Variants in KIF1B observed in about 807,000 individuals in gnomAD.
The protein encoded by KIF1B is kinesin-like protein KIF1B.
In KIF1B, 76 loss-of-function variants were observed where a neutral mutation model predicts 241.9. The observed-to-expected ratio is 0.31, with a 90% confidence interval of 0.26 to 0.38. KIF1B has a LOEUF of 0.38. KIF1B is among the 10% of genes least tolerant of loss of function. KIF1B has a pLI of 1.00. For missense variants in KIF1B, 1,622 were observed against 2,271.4 expected, an observed-to-expected ratio of 0.71 and a Z score of 5.81; for synonymous variants, 750 against 796.7, an observed-to-expected ratio of 0.94 and a Z score of 0.99.
intron 33 of KIF1B, 74 bp from the exon 34 acceptor site, chr1:10,343,158 T>G: frequency 6.7e-7 from 1 of 1,487,388 alleles, no homozygotes; most frequent in Non-Finnish European, 9.3e-7. Context: ...CAATTTGCAG[T>G]CCAGCACAAA....
chr1:10,352,007 G>GTCAGTGGCT (rs1297347307), intron 37 of KIF1B, among the ~76,000 whole-genome samples: 2 of 152,124 alleles, frequency 1.3e-5, no homozygotes, highest in Admixed American at 1.3e-4. Flanking sequence ...GAAACTGTCA[G>GTCAGTGGCT]TCAGTGGCTT....
chr1:10,277,954 A>G (rs779613465), intron 12 of KIF1B, 32 bp from the exon 13 acceptor site: 7 of 1,603,078 alleles, frequency 4.4e-6, no homozygotes, highest in African/African-American at 2.7e-5. Context: ...CATATGAGAA[A>G]TGACAAGAAC....
intron 22 of KIF1B, among the ~76,000 whole-genome samples, chr1:10,297,586 T>A (rs1415355262): frequency 6.6e-6 from 1 of 152,230 alleles, no homozygotes; most frequent in African/African-American, 2.4e-5. Context: ...TAAATGATAA[T>A]TACTCTGAAT....
At chr1:10,227,255 G>T (rs192340397) in intron 1 of KIF1B, among the ~76,000 whole-genome samples, 2,518 of 151,850 alleles carry the variant, frequency 0.017, 61 homozygotes, top group African/African-American at 0.056. Context: ...GGATGGTCTT[G>T]ATTTCTTGAC....
rs528022823 is a variant in KIF1B at position 10,377,139 on chromosome 1, TTTTTTCCCCTCTGTCTC to T, written c.*558_*574del. 323 of 240,842 alleles carry T rather than the reference TTTTTTCCCCTCTGTCTC, an allele frequency of 1.3e-3. 2 individuals are homozygous for T. The highest frequency in any genetic ancestry group is 7.7e-3 in the Middle Eastern group (6 of 784). 14.9% of individuals were successfully genotyped at this position (240,842 alleles called of 1,614,324 possible). A position where few individuals can be genotyped will look rare whatever the true frequency, so the allele number is the denominator to read the frequency against. ...GAACCTGAGAGGAAAAAAAGAGTCT[TTTTTTCCCCTCTGTCTC>T]TTTTTGCCATGGCTAATCCCTGCAT... On this transcript the variant is annotated 3_prime_UTR_variant, in exon 49 of 49. Transcript: ENST00000676179.
chr1:10,261,868 T>G (rs1648165979), intron 4 of KIF1B, 37 bp from the exon 5 acceptor site: 1 of 1,389,782 alleles, frequency 7.2e-7, no homozygotes, highest in Non-Finnish European at 1.0e-6. Flanking sequence ...CTCCTCTCAT[T>G]TGTGCTCTTC....
At position 10,365,059 on chromosome 1, in the gene KIF1B, AT is replaced by A. The variant is rs34161257; in HGVS notation, c.4367-33del. ...CGTTTTGACCTAAACTTGGAATTGA[AT>A]TTTTTTTCTGAAACAAAAACTTGTT... On this transcript the variant is annotated intron_variant, in intron 41 of 48. Coordinates refer to ENST00000676179, the MANE Select transcript of KIF1B (RefSeq NM_001365951.3). This position sits in a 1 kb window ranked among gnomAD's most constrained non-coding sequence, Gnocchi z 4.0. 763,911 of 1,590,624 alleles carry A rather than the reference AT, an allele frequency of 0.48. 187,425 individuals are homozygous for A. Among genetic ancestry groups the A allele is most frequent in the African/African-American group, 0.66 (48,680 of 73,680 alleles).
At chr1:10,295,857 GT>G in intron 19 of KIF1B, 91 bp downstream of exon 19, 1 of 1,103,924 alleles carries the variant, frequency 9.1e-7, no homozygotes, top group East Asian at 2.6e-5. Flanking sequence ...TCTATCAGTA[GT>G]ACTTTCTTAT....
intron 4 of KIF1B, among the ~76,000 whole-genome samples, chr1:10,261,444 A>G (rs765278909): frequency 2.0e-5 from 3 of 151,608 alleles, no homozygotes; most frequent in Non-Finnish European, 4.4e-5. Context: ...GGGTTTCACC[A>G]TGTTGGCCAA....
rs770849620 is a variant in KIF1B at position 10,261,932 on chromosome 1, A to G, written c.391A>G (p.Asn131Asp). The change falls in exon 5 of 49, where the codon AAT becomes GAT. Residue 131 changes from asparagine to aspartate, a missense_variant. By Grantham distance (23) the Asn-to-Asp change is conservative. Transcript: ENST00000676179. ...ATGTGAAGAACTTTTTGAGAAAATC[A>G]ATGACAACTGTAATGAAGAAATGTC... Reference protein sequence around the residue: ...QLCEELFEKINDNCNEEMSYS... With the variant: ...QLCEELFEKIDDNCNEEMSYS... The G allele has an allele frequency of 2.5e-6, 4 of 1,612,156 alleles. No individual in the cohort carries two copies. In the East Asian group the frequency reaches 6.7e-5, roughly 27 times the overall value.
intron 22 of KIF1B, chr1:10,304,990 A>G: frequency 1.8e-6 from 2 of 1,124,544 alleles, no homozygotes; most frequent in South Asian, 3.2e-5. Context: ...AATTAATCTG[A>G]CATCCAGAAA....
At chr1:10,301,511 C>A (rs1650540531) in intron 22 of KIF1B, among the ~76,000 whole-genome samples, 1 of 151,832 alleles carries the variant, frequency 6.6e-6, no homozygotes, top group Non-Finnish European at 1.5e-5. Context: ...ACCAAAAATG[C>A]AAAAATTAGG....
chr1:10,309,815 T>C (rs1313206570), intron 22 of KIF1B, among the ~76,000 whole-genome samples: 1 of 151,538 alleles, frequency 6.6e-6, no homozygotes, highest in Non-Finnish European at 1.5e-5. Flanking sequence ...AGTCTTACTG[T>C]AGTCTCCAAG....
At chr1:10,362,194 T>C (rs1369073841) in intron 40 of KIF1B, among the ~76,000 whole-genome samples, 3 of 152,174 alleles carry the variant, frequency 2.0e-5, no homozygotes, top group Non-Finnish European at 2.9e-5. Flanking sequence ...AATAATACAG[T>C]GAAGGCCATA....
intron 22 of KIF1B, among the ~76,000 whole-genome samples, chr1:10,313,207 A>G (rs1221892489): frequency 6.6e-6 from 1 of 151,296 alleles, no homozygotes; most frequent in Non-Finnish European, 1.5e-5. Flanking sequence ...CTGAGACTAC[A>G]GGCACACGCC....
In KIF1B at chr1:10,303,016, G is replaced by C; in HGVS notation, c.2115+5770G>C. On this transcript the variant is annotated intron_variant, in intron 22 of 48. Coordinates refer to ENST00000676179, the MANE Select transcript of KIF1B (RefSeq NM_001365951.3). The surrounding 1 kb of genome is among the most constrained non-coding windows in gnomAD (Gnocchi z 5.2). ...TCCACATTATTGAGGGGTTTTTTTT[G>C]GTTTTGTTTTGTTTTTTAGTTTTTT... The C allele has an allele frequency of 1.1e-6, 1 of 870,816 alleles. No homozygotes were observed. The highest frequency in any genetic ancestry group is 1.9e-5 in the South Asian group (1 of 53,766). 53.9% of individuals were successfully genotyped at this position (870,816 alleles called of 1,614,324 possible). A position where few individuals can be genotyped will look rare whatever the true frequency, so the allele number is the denominator to read the frequency against.
intron 2 of KIF1B, among the ~76,000 whole-genome samples, chr1:10,234,722 C>T (rs1459446645): frequency 6.6e-6 from 1 of 151,528 alleles, no homozygotes; most frequent in African/African-American, 2.4e-5. Context: ...CGGGGACTCA[C>T]TATATTGTGT....
rs191208986 is a variant in KIF1B, at chr1:10,347,092, C to T, written c.3798-669C>T. ...GATTAATGTAATTGTTGTGTATAAT[C>T]ATCTCTAAAATGCTTTTGTAAAAAC... On this transcript the variant is annotated intron_variant, in intron 35 of 48. Transcript: ENST00000676179. Among the ~76,000 whole-genome samples, 11 of 152,316 alleles carry T rather than the reference C, an allele frequency of 7.2e-5. No individual in the cohort carries two copies. In the East Asian group the frequency reaches 1.9e-3, roughly 27 times the overall value.
chr1:10,269,913 G>C (rs1648693550), intron 7 of KIF1B, among the ~76,000 whole-genome samples: 1 of 152,290 alleles, frequency 6.6e-6, no homozygotes, highest in South Asian at 2.1e-4. Context: ...GTGTTTATCT[G>C]AATGCCAGCA....
Sources: allele counts gnomAD v4.1 joint callset (sites outside exome capture counted in the v4.1 genomes callset), GRCh38; gene constraint gnomAD v4.1.1; non-coding constraint Gnocchi (gnomAD v3.1); transcripts MANE v1.5; gene names NCBI Gene and HGNC (gene_info 2026-07-23, HGNC 2026-07-21).